The following ACACA variants were observed in gnomAD, a reference collection of about 807,000 sequenced individuals.
ACACA encodes acetyl-CoA carboxylase 1.
In ACACA, 103 loss-of-function variants were observed where a neutral mutation model predicts 296.1. The observed-to-expected ratio is 0.35, with a 90% CI of 0.30 to 0.41. ACACA has a LOEUF of 0.41. ACACA is among the 10% of genes least tolerant of loss of function. ACACA has a pLI of 1.00. For missense variants in ACACA, 1,554 were observed against 2,989.7 expected, an observed-to-expected ratio of 0.52 and a Z score of 11.20; for synonymous variants, 953 against 1,038.6, an observed-to-expected ratio of 0.92 and a Z score of 1.58.
At chr17:37,402,833 C>T (rs930835270) in intron 1 of ACACA, among the ~76,000 whole-genome samples, 2 of 152,108 alleles carry the variant, frequency 1.3e-5, no homozygotes, top group East Asian at 1.9e-4. Flanking sequence ...CCACCACGCC[C>T]GGCTAATTTT....
chr17:37,256,096 A>G (rs905094964), intron 14 of ACACA, among the ~76,000 whole-genome samples: 4 of 152,174 alleles, frequency 2.6e-5, no homozygotes, highest in Non-Finnish European at 5.9e-5. Context: ...TGTTGTCATT[A>G]TAGTCCTACT....
chr17:37,162,728 C>A lies in ACACA; in HGVS notation c.5080-678G>T. 1.3e-5 allele frequency: 3 copies of A among 224,654 alleles called. No homozygotes were observed. In the South Asian group the frequency reaches 1.8e-4, roughly 13 times the overall value. The allele number at this position is 224,654 out of a possible 1,614,324, so 13.9% of individuals were successfully genotyped here. ...ATGCGAATCTTGCACCTAATCATGTCATTGTCAAGTCCCGTCTCTGGTACT... is the reference window on the plus strand; with the variant it reads ...ATGCGAATCTTGCACCTAATCATGTAATTGTCAAGTCCCGTCTCTGGTACT... On this transcript the variant is annotated intron_variant, in intron 41 of 55. Coordinates refer to ENST00000616317, the MANE Select transcript of ACACA (RefSeq NM_198834.3).
chr17:37,259,339 A>C, intron 12 of ACACA, 21 bp downstream of exon 12: 1 of 1,613,906 alleles, frequency 6.2e-7, no homozygotes, highest in Non-Finnish European at 8.5e-7. Context: ...AGGCTCTGCA[A>C]CCCAGATCAG....
intron 1 of ACACA, among the ~76,000 whole-genome samples, chr17:37,381,547 A>G (rs946753175): frequency 8.7e-5 from 13 of 149,614 alleles, no homozygotes; most frequent in African/African-American, 3.2e-4. Context: ...ATACGTATAT[A>G]TTTACCCCAT....
At position 37,181,202 on chromosome 17, in the gene ACACA, T is replaced by C; in HGVS notation, c.4931A>G (p.Gln1644Arg). Residue 1644 changes from glutamine to arginine, a missense_variant and splice_region_variant, in exon 40 of 56, where the codon CAG becomes CGG. Coordinates refer to ENST00000616317, the MANE Select transcript of ACACA (RefSeq NM_198834.3). Reference sequence around the variant, plus strand: ...AGACCCTCCAGTTAGGCATCTTACCTGCCGAAACATCTCTGGGATATCATA... The same window carrying C: ...AGACCCTCCAGTTAGGCATCTTACCCGCCGAAACATCTCTGGGATATCATA... ...YIYDIPEMFRQSLIKLWESMS... is the reference protein window; with the variant it reads ...YIYDIPEMFRRSLIKLWESMS... 6.2e-7 allele frequency: 1 copy of C among 1,614,166 alleles called. No individual in the cohort carries two copies.
At chr17:37,402,142 G>T (rs1269653844) in intron 1 of ACACA, among the ~76,000 whole-genome samples, 2 of 152,122 alleles carry the variant, frequency 1.3e-5, no homozygotes, top group East Asian at 3.8e-4. Context: ...GAGGACAAAA[G>T]GTGTTTTTTT....
At chr17:37,244,824 C>G in intron 20 of ACACA, 90 bp from the exon 21 acceptor site, 3 of 1,559,340 alleles carry the variant, frequency 1.9e-6, no homozygotes. Context: ...CATTCAAAAT[C>G]GAGACATCAT....
At chr17:37,215,941 T>C (rs1422607518) in intron 29 of ACACA, among the ~76,000 whole-genome samples, 2 of 151,900 alleles carry the variant, frequency 1.3e-5, no homozygotes, top group African/African-American at 4.8e-5. Flanking sequence ...GTCTGCACAA[T>C]AATAAAATGC....
intron 3 of ACACA, among the ~76,000 whole-genome samples, chr17:37,316,041 T>C (rs772051318): frequency 6.6e-6 from 1 of 152,092 alleles, no homozygotes; most frequent in Non-Finnish European, 1.5e-5. Flanking sequence ...TAAAAGATAC[T>C]TACCGGTCAA....
At position 37,175,407 on chromosome 17, in the gene ACACA, G is replaced by T. The variant is rs76645188; in HGVS notation, c.5079+3853C>A. On this transcript the variant is annotated intron_variant, in intron 41 of 55. Transcript: ENST00000616317. ...CAAAATGTCCCCACCTGCAATTATAGCTTCCACCAAAAGATCAAAACAGGT... is the reference window on the plus strand; with the variant it reads ...CAAAATGTCCCCACCTGCAATTATATCTTCCACCAAAAGATCAAAACAGGT... 2.6e-4 allele frequency among the ~76,000 whole-genome samples: 39 copies of T among 152,294 alleles called. 1 individual carries two copies. Among genetic ancestry groups the T allele is most frequent in the East Asian group, 2.3e-3 (12 of 5,194 alleles).
intron 25 of ACACA, among the ~76,000 whole-genome samples, chr17:37,227,316 G>A (rs2079583748): frequency 6.6e-6 from 1 of 152,124 alleles, no homozygotes; most frequent in South Asian, 2.1e-4. Context: ...ATAAATGTCT[G>A]TCCTTTTTGA....
chr17:37,316,302 T>TACATACACACAC (rs1362904609), intron 3 of ACACA, among the ~76,000 whole-genome samples: 3 of 142,506 alleles, frequency 2.1e-5, no homozygotes, highest in Non-Finnish European at 3.1e-5. Context: ...TACCCTTACA[T>TACATACACACAC]ACACACACAC....
At chr17:37,138,321 T>A (rs1387140508) in intron 45 of ACACA, among the ~76,000 whole-genome samples, 1 of 152,232 alleles carries the variant, frequency 6.6e-6, no homozygotes, top group East Asian at 1.9e-4. Flanking sequence ...CATTTCCGCT[T>A]CTTTATCATA....
At chr17:37,229,936 G>A (rs574321204) in intron 25 of ACACA, among the ~76,000 whole-genome samples, 39 of 151,704 alleles carry the variant, frequency 2.6e-4, no homozygotes, top group African/African-American at 8.2e-4. Context: ...GCGTGGTGGC[G>A]CATGCCTGTA....
intron 34 of ACACA, 105 bp from the exon 35 acceptor site, chr17:37,200,288 T>C: frequency 1.4e-6 from 2 of 1,392,890 alleles, no homozygotes; most frequent in South Asian, 2.4e-5. Context: ...ACTAATGTTT[T>C]TTAAAAATGA....
In ACACA at chr17:37,401,767, C is replaced by G. The variant is rs368262766; in HGVS notation, c.38+4495G>C. Among the ~76,000 whole-genome samples the G allele has an allele frequency of 2.6e-5, 4 of 152,126 alleles. No homozygotes were observed. In the East Asian group the frequency reaches 7.7e-4, roughly 29 times the overall value. ...TAGAGTTGAACTCTCACTAAGTCACCCAGTTTAGTCTCGAACTCCTGAGCC... is the reference window on the plus strand; with the variant it reads ...TAGAGTTGAACTCTCACTAAGTCACGCAGTTTAGTCTCGAACTCCTGAGCC... On this transcript the variant is annotated intron_variant, in intron 1 of 55. Transcript: ENST00000616317.
chr17:37,220,387 G>A (rs1252227372), intron 29 of ACACA, among the ~76,000 whole-genome samples: 1 of 152,168 alleles, frequency 6.6e-6, no homozygotes, highest in African/African-American at 2.4e-5. Flanking sequence ...GGAAAAAGCA[G>A]GAAGAAAAGG....
intron 39 of ACACA, among the ~76,000 whole-genome samples, chr17:37,182,366 T>C (rs182867646): frequency 3.3e-5 from 5 of 151,744 alleles, no homozygotes; most frequent in African/African-American, 4.8e-5. Context: ...TATATATATA[T>C]ACATGTATTT....
At chr17:37,325,409 G>C (rs1255939219) in intron 3 of ACACA, among the ~76,000 whole-genome samples, 2 of 150,224 alleles carry the variant, frequency 1.3e-5, no homozygotes, top group African/African-American at 4.9e-5. Flanking sequence ...CTTCTTAAAT[G>C]TTCAATTGAA....
Sources: allele counts gnomAD v4.1 joint callset (sites outside exome capture counted in the v4.1 genomes callset), GRCh38; gene constraint gnomAD v4.1.1; transcripts MANE v1.5; gene names NCBI Gene and HGNC (gene_info 2026-07-23, HGNC 2026-07-21).